The following PLXNB1 variants were observed in gnomAD, a reference collection of about 807,000 sequenced individuals.
PLXNB1 encodes the protein plexin-B1.
Under a neutral mutation model 209.4 loss-of-function variants are expected in PLXNB1, and 106 were observed. That is an observed-to-expected ratio of 0.51 (90% confidence interval 0.43 to 0.59). PLXNB1 has a LOEUF of 0.59. Ranked by LOEUF, PLXNB1 falls within the 20% of genes least tolerant of loss-of-function variation. PLXNB1 has a pLI of 0.00. For synonymous variants in PLXNB1, 1,167 were observed against 1,183.2 expected, an observed-to-expected ratio of 0.99 and a Z score of 0.28; for missense variants, 2,357 against 2,853.2, an observed-to-expected ratio of 0.83 and a Z score of 3.96.
At chr3:48,420,298 CAGGCAGGCGCGGGACAGG>C in intron 10 of PLXNB1, 41 bp from the exon 11 acceptor site, 4 of 1,249,756 alleles carry the variant, frequency 3.2e-6, no homozygotes, top group Non-Finnish European at 4.5e-6. Context: ...GGCCACTCAG[CAGGCAGGCGCGGGACAGG>C]AGGCAGGCAG....
rs1054802393 is a variant in PLXNB1 at position 48,415,887 on chromosome 3, C to T, written c.3618-128G>A. The T allele has an allele frequency of 9.0e-6, 12 of 1,340,676 alleles. No homozygotes were observed. The African/African-American group carries it at 1.0e-4, about 11-fold the overall frequency. 83.0% of individuals were successfully genotyped at this position (1,340,676 alleles called of 1,614,324 possible). A position where few individuals can be genotyped will look rare whatever the true frequency, so the allele number is the denominator to read the frequency against. ...AGGTGTCCCTGGAGGTGCACTCCCACCACAGCTGGCTAGGGAGGGTCTGGC... is the reference window on the plus strand; with the variant it reads ...AGGTGTCCCTGGAGGTGCACTCCCATCACAGCTGGCTAGGGAGGGTCTGGC... On this transcript the variant is annotated intron_variant, in intron 18 of 37. Coordinates refer to ENST00000296440, the MANE Select transcript of PLXNB1 (RefSeq NM_001130082.3). The surrounding 1 kb of genome is among the most constrained non-coding windows in gnomAD (Gnocchi z 5.0).
In PLXNB1 at chr3:48,410,658, G is replaced by T. The variant is rs572764779; in HGVS notation, c.5417-100C>A. On this transcript the variant is annotated intron_variant, in intron 29 of 37. Transcript: ENST00000296440. This position sits in a 1 kb window ranked among gnomAD's most constrained non-coding sequence, Gnocchi z 6.4. ...CAGGGACACCAGCCCCTCCATCATG[G>T]GGCAGCCTTACTCAACCTCTCCAAA... 3 of 1,089,556 alleles carry T rather than the reference G, an allele frequency of 2.8e-6. No homozygotes were observed. The highest frequency in any genetic ancestry group is 2.7e-6 in the Non-Finnish European group (2 of 729,826). The allele number at this position is 1,089,556 out of a possible 1,614,324, so 67.5% of individuals were successfully genotyped here.
At position 48,417,456 on chromosome 3, in the gene PLXNB1, G is replaced by C. The variant is rs1168093705; in HGVS notation, c.3374+455C>G. Among the ~76,000 whole-genome samples, 4 of 152,218 alleles carry C rather than the reference G, an allele frequency of 2.6e-5. No individual in the cohort carries two copies. The East Asian group carries it at 7.7e-4, about 29-fold the overall frequency. ...GTCCCTAGAGACGACAGTGGAGCCTGGCCCTCGGCCAGTGTGCCTTTCTGA... is the reference window on the plus strand; with the variant it reads ...GTCCCTAGAGACGACAGTGGAGCCTCGCCCTCGGCCAGTGTGCCTTTCTGA... On this transcript the variant is annotated intron_variant, in intron 16 of 37. Transcript: ENST00000296440. The surrounding 1 kb of genome is among the most constrained non-coding windows in gnomAD (Gnocchi z 4.4).
At chr3:48,427,988 G>C (rs1560081033) in intron 1 of PLXNB1, among the ~76,000 whole-genome samples, 2 of 152,110 alleles carry the variant, frequency 1.3e-5, no homozygotes, top group Admixed American at 1.3e-4. Context: ...TGCCAACCAG[G>C]GTCACCTTTC....
rs774609125 is a variant in PLXNB1, at chr3:48,409,437, C to T, written c.5979G>A (p.Pro1993=). ...LRFWINIIKN[P]QFVFDVQTSD... ...ATGTTTGCACGTCGAACACAAACTG[C>T]GGGTTTTTTATTATATTGATCCAGA... Residue 1993 remains proline (P), a synonymous_variant, in exon 34 of 38, where the codon CCG becomes CCA. Transcript: ENST00000296440. The surrounding 1 kb of genome is among the most constrained non-coding windows in gnomAD (Gnocchi z 5.8). 14 of 1,614,130 alleles carry T rather than the reference C, an allele frequency of 8.7e-6. No individual in the cohort carries two copies. The highest frequency in any genetic ancestry group is 2.2e-5 in the South Asian group (2 of 91,078).
rs750918262 is a variant in PLXNB1 at position 48,406,847 on chromosome 3, G to A, written c.6204C>T (p.Asn2068=). ...QTVPASDQEM[N]SVLAELSWNY... The stretch of plus-strand genomic sequence containing the variant: ...CCCAGGACAGTTCAGCCAGGACAGA[G>A]TTCATCTCTTGGTCGCTGGCTGGGA... The change falls in exon 36 of 38, where the codon AAC becomes AAT. Residue 2068 remains asparagine (N), a synonymous_variant. Coordinates refer to ENST00000296440, the MANE Select transcript of PLXNB1 (RefSeq NM_001130082.3). This position sits in a 1 kb window ranked among gnomAD's most constrained non-coding sequence, Gnocchi z 4.4. 1.2e-6 allele frequency: 2 copies of A among 1,612,342 alleles called. No individual in the cohort carries two copies. The highest frequency in any genetic ancestry group is 1.7e-6 in the Non-Finnish European group (2 of 1,179,204).
chr3:48,421,553 G>C, intron 7 of PLXNB1, 121 bp downstream of exon 7: 1 of 1,216,862 alleles, frequency 8.2e-7, no homozygotes, highest in Non-Finnish European at 1.1e-6. Flanking sequence ...GCTCCTAAAA[G>C]AAGTGACTTG....
In PLXNB1 at chr3:48,419,769, C is replaced by T. The variant is rs1484005092; in HGVS notation, c.2517G>A (p.Leu839=). ...PGAMGSVKPA[L]DWLTREGGEL... is the part of the protein sequence containing the mutation. Reference sequence around the variant, plus strand: ...CGCCGCCTTCTCTCGTGAGCCAGTCCAGGGCGGGCTTCACGGAGCCCATGG... The same window carrying T: ...CGCCGCCTTCTCTCGTGAGCCAGTCTAGGGCGGGCTTCACGGAGCCCATGG... Residue 839 remains leucine, a synonymous_variant, in exon 11 of 38, where the codon CTG becomes CTA. Coordinates refer to ENST00000296440, the MANE Select transcript of PLXNB1 (RefSeq NM_001130082.3). The surrounding 1 kb of genome is among the most constrained non-coding windows in gnomAD (Gnocchi z 5.7). The T allele has an allele frequency of 6.2e-7, 1 of 1,606,760 alleles. No homozygotes were observed. The highest frequency in any genetic ancestry group is 8.5e-7 in the Non-Finnish European group (1 of 1,177,178).
At chr3:48,414,169 A>G in intron 21 of PLXNB1, 98 bp from the exon 22 acceptor site, 1 of 1,176,714 alleles carries the variant, frequency 8.5e-7, no homozygotes, top group Non-Finnish European at 1.3e-6. Context: ...CCGCAGCAGC[A>G]AAGCTGACAG....
intron 4 of PLXNB1, 66 bp from the exon 5 acceptor site, chr3:48,422,525 C>T: frequency 6.8e-7 from 1 of 1,476,126 alleles, no homozygotes; most frequent in Non-Finnish European, 9.0e-7. Flanking sequence ...CCCTCCCCTC[C>T]TCCACCCAAT....
At chr3:48,412,128 G>C (rs181410383) in intron 27 of PLXNB1, 110 bp downstream of exon 27, 5 of 1,455,750 alleles carry the variant, frequency 3.4e-6, no homozygotes, top group Non-Finnish European at 4.8e-6. Context: ...GGCTGAGCAG[G>C]AGTCTCTGCT....
At chr3:48,428,540 T>C (rs531511555) in intron 1 of PLXNB1, among the ~76,000 whole-genome samples, 10 of 152,274 alleles carry the variant, frequency 6.6e-5, no homozygotes, top group Admixed American at 1.3e-4. Context: ...AACCCCGCCA[T>C]TCCGCACCTG....
intron 3 of PLXNB1, 37 bp from the exon 4 acceptor site, chr3:48,422,984 G>A: frequency 6.3e-7 from 1 of 1,584,518 alleles, no homozygotes; most frequent in Non-Finnish European, 8.6e-7. Context: ...GGCCCTCCCT[G>A]GATAACCTCC....
chr3:48,416,634 T>TGACA lies in PLXNB1; in HGVS notation c.3375-184_3375-183insTGTC. 2 of 428,242 alleles carry TGACA rather than the reference T, an allele frequency of 4.7e-6. No homozygotes were observed. Among genetic ancestry groups the TGACA allele is most frequent in the Non-Finnish European group, 8.2e-6 (2 of 244,000 alleles). 26.5% of individuals were successfully genotyped at this position (428,242 alleles called of 1,614,324 possible). ...TATGACACATCAGAAGGCCTTGGTA[T>TGACA]CTGAGAATTAATATTTGTGGCTTCA... On this transcript the variant is annotated intron_variant, in intron 16 of 37. Transcript: ENST00000296440. This position sits in a 1 kb window ranked among gnomAD's most constrained non-coding sequence, Gnocchi z 4.1.
In PLXNB1 at chr3:48,420,234, A is replaced by T. The variant is rs1358171841; in HGVS notation, c.2052T>A (p.Pro684=). 6.5e-7 allele frequency: 1 copy of T among 1,549,886 alleles called. No homozygotes were observed. The highest frequency in any genetic ancestry group is 8.7e-7 in the Non-Finnish European group (1 of 1,147,386). Residue 684 remains proline, a synonymous_variant, in exon 11 of 38, where the codon CCT becomes CCA. Transcript: ENST00000296440. The part of the protein sequence containing the change: ...SHQSPLVSPD[P]PARGGPSPSP... ...AGGGGCTGGGTCCACCTCTTGCAGG[A>T]GGGTCTGGGGAGACAAGCGGGCTCT... is the stretch of plus-strand genomic sequence containing the variant.
At chr3:48,422,569 C>A (rs1028840089) in intron 4 of PLXNB1, 110 bp from the exon 5 acceptor site, 1 of 1,380,068 alleles carries the variant, frequency 7.2e-7, no homozygotes, top group Non-Finnish European at 9.7e-7. Context: ...TCCTCCTAGG[C>A]AGTCACAGGT....
chr3:48,419,709 G>A lies in PLXNB1; in HGVS notation c.2577C>T (p.Asp859=), dbSNP rs201784612. 115 of 1,611,840 alleles carry A rather than the reference G, an allele frequency of 7.1e-5. No individual in the cohort carries two copies. The East Asian group carries it at 1.4e-3, about 20-fold the overall frequency. Reference sequence around the variant, plus strand: ...GGGTGGAAGTGGAGAAGGCGGGTGCGTCACCCCCCGTCCACTCGTCCGCCT... The same window carrying A: ...GGGTGGAAGTGGAGAAGGCGGGTGCATCACCCCCCGTCCACTCGTCCGCCT... ...LPEADEWTGG[D]APAFSTSTLL... Residue 859 remains aspartate (D), a synonymous_variant, in exon 11 of 38, where the codon GAC becomes GAT. Transcript: ENST00000296440. The surrounding 1 kb of genome is among the most constrained non-coding windows in gnomAD (Gnocchi z 5.7).
chr3:48,411,755 T>A lies in PLXNB1; in HGVS notation c.5247+108A>T. 7.7e-7 allele frequency: 1 copy of A among 1,305,718 alleles called. No homozygotes were observed. The highest frequency in any genetic ancestry group is 1.1e-6 in the Non-Finnish European group (1 of 930,984). 80.9% of individuals were successfully genotyped at this position (1,305,718 alleles called of 1,614,324 possible). A position where few individuals can be genotyped will look rare whatever the true frequency, so the allele number is the denominator to read the frequency against. On this transcript the variant is annotated intron_variant, in intron 28 of 37. Transcript: ENST00000296440. This position sits in a 1 kb window ranked among gnomAD's most constrained non-coding sequence, Gnocchi z 4.0. ...AGCCAGAGGTCAACCCAGCTCTACA[T>A]CCAGGTACCACATCAGAAGCTGGTG...
At position 48,417,561 on chromosome 3, in the gene PLXNB1, G is replaced by A. The variant is rs939492440; in HGVS notation, c.3374+350C>T. 2.4e-4 allele frequency among the ~76,000 whole-genome samples: 36 copies of A among 152,282 alleles called. No individual in the cohort carries two copies. Among genetic ancestry groups the A allele is most frequent in the African/African-American group, 8.4e-4 (35 of 41,548 alleles). ...TGGGGAAGAGTGAGCTGGTGAGAAG[G>A]CCAGCCCCTGAGCTTATCTGTCTGA... On this transcript the variant is annotated intron_variant, in intron 16 of 37. Transcript: ENST00000296440. This position sits in a 1 kb window ranked among gnomAD's most constrained non-coding sequence, Gnocchi z 4.4.
Sources: gnomAD v4.1 joint callset for allele counts (sites outside exome capture counted in the v4.1 genomes callset) on GRCh38, gnomAD v4.1.1 for gene constraint, Gnocchi (gnomAD v3.1) non-coding constraint, MANE v1.5 for transcripts, NCBI Gene and HGNC (gene_info 2026-07-23, HGNC 2026-07-21) for gene names.